PTPRF: variants seen among roughly 807,000 people sequenced by gnomAD.
The protein encoded by PTPRF is receptor-type tyrosine-protein phosphatase F.
In PTPRF, 59 loss-of-function variants were observed where a neutral mutation model predicts 201.8. The ratio of observed to expected loss-of-function variants is 0.29; its 90% confidence interval spans 0.24 to 0.36. The LOEUF (loss-of-function observed/expected upper bound fraction) is 0.36. PTPRF is among the 10% of genes least tolerant of loss of function. The pLI is 1.00. For synonymous variants in PTPRF, 1,088 were observed against 1,089.7 expected, an observed-to-expected ratio of 1.00 and a Z score of 0.03; for missense variants, 2,132 against 2,690.5, an observed-to-expected ratio of 0.79 and a Z score of 4.59.
At chr1:43,532,882 C>T (rs1395545886) in intron 1 of PTPRF, among the ~76,000 whole-genome samples, 1 of 152,140 alleles carries the variant, frequency 6.6e-6, no homozygotes, top group Non-Finnish European at 1.5e-5. Flanking sequence ...CCCTCCACCC[C>T]CACACACACT....
At chr1:43,589,870 A>G (rs1333050919) in intron 8 of PTPRF, among the ~76,000 whole-genome samples, 3 of 151,844 alleles carry the variant, frequency 2.0e-5, no homozygotes, top group Non-Finnish European at 2.9e-5. Flanking sequence ...ACCCTATGAA[A>G]AAAAAAAAAA....
intron 3 of PTPRF, among the ~76,000 whole-genome samples, chr1:43,545,986 C>A (rs1260993560): frequency 6.6e-6 from 1 of 152,166 alleles, no homozygotes; most frequent in Admixed American, 6.5e-5. Flanking sequence ...TTTAGCCAAT[C>A]TGCAGGCTGA....
Position 43,533,084 on chromosome 1 carries a change from G to GT in PTPRF, c.-126+2002dup, listed in dbSNP as rs370431686. Among the ~76,000 whole-genome samples, 748 of 152,140 alleles carry GT rather than the reference G, an allele frequency of 4.9e-3. 5 individuals carry two copies. The highest frequency in any genetic ancestry group is 0.017 in the African/African-American group (703 of 41,490). On this transcript the variant is annotated intron_variant, in intron 1 of 33. Coordinates refer to ENST00000359947, the MANE Select transcript of PTPRF (RefSeq NM_002840.5). ...CTCTTATTTGAAATGTCTTTATAGT[G>GT]TTTTTTTTAGTTTCCTTTATAGTTT...
chr1:43,615,066 C>G (rs759422564), intron 23 of PTPRF, among the ~76,000 whole-genome samples: 1 of 152,110 alleles, frequency 6.6e-6, no homozygotes, highest in Non-Finnish European at 1.5e-5. Context: ...TGTGAGTTTG[C>G]GCCCCTTCTG....
At chr1:43,543,518 A>G (rs1436857102) in intron 2 of PTPRF, among the ~76,000 whole-genome samples, 2 of 152,216 alleles carry the variant, frequency 1.3e-5, no homozygotes, top group Admixed American at 1.3e-4. Context: ...ATCCTGGGAC[A>G]GGGGACAACT....
At chr1:43,558,748 G>A (rs183655854) in intron 5 of PTPRF, among the ~76,000 whole-genome samples, 1 of 152,166 alleles carries the variant, frequency 6.6e-6, no homozygotes, top group Admixed American at 6.5e-5. Flanking sequence ...TCACCAGGGA[G>A]GGGGAGCCCT....
At chr1:43,547,228 A>G (rs755876342) in intron 3 of PTPRF, among the ~76,000 whole-genome samples, 2 of 152,164 alleles carry the variant, frequency 1.3e-5, no homozygotes, top group African/African-American at 4.8e-5. Flanking sequence ...TGGTTCACCA[A>G]TTCCCAGTAG....
chr1:43,584,684 T>G (rs1001197544), intron 7 of PTPRF, among the ~76,000 whole-genome samples: 1 of 152,262 alleles, frequency 6.6e-6, no homozygotes, highest in African/African-American at 2.4e-5. Flanking sequence ...AATTGCATCT[T>G]ACATTTTTCC....
At chr1:43,560,703 C>T (rs1307714619) in intron 5 of PTPRF, among the ~76,000 whole-genome samples, 1 of 152,176 alleles carries the variant, frequency 6.6e-6, no homozygotes, top group Non-Finnish European at 1.5e-5. Flanking sequence ...AATGGTCTGG[C>T]TGAGCTGTTC....
intron 26 of PTPRF, 132 bp from the exon 27 acceptor site, chr1:43,618,916 T>G: frequency 1.4e-6 from 2 of 1,445,860 alleles, no homozygotes; most frequent in Non-Finnish European, 1.9e-6. Context: ...TGCTAGGAGC[T>G]TCAGGCTACT....
chr1:43,576,157 C>T (rs1463316754), intron 6 of PTPRF, among the ~76,000 whole-genome samples: 1 of 152,236 alleles, frequency 6.6e-6, no homozygotes, highest in Non-Finnish European at 1.5e-5. Flanking sequence ...ACTCGCCGGG[C>T]CCCGCCTAGG....
rs1644710450 is a variant in PTPRF at position 43,546,874 on chromosome 1, C to T, written c.91+1708C>T. On this transcript the variant is annotated intron_variant, in intron 3 of 33. Transcript: ENST00000359947. The surrounding 1 kb of genome is among the most constrained non-coding windows in gnomAD (Gnocchi z 4.2). ...TCTAATCCATCACCAAGCTCCGTTG[C>T]TTCTACCTTCTGAATATCTTTGGAA... Among the ~76,000 whole-genome samples, 1 of 152,234 alleles carries T rather than the reference C, an allele frequency of 6.6e-6. No individual in the cohort carries two copies. The highest frequency in any genetic ancestry group is 2.1e-4 in the South Asian group (1 of 4,832).
At chr1:43,583,778 C>T (rs573473999) in intron 7 of PTPRF, among the ~76,000 whole-genome samples, 2 of 152,278 alleles carry the variant, frequency 1.3e-5, no homozygotes, top group South Asian at 2.1e-4. Flanking sequence ...GTTGTCTTTT[C>T]CTTCTCCAGC....
chr1:43,598,932 G>C lies in PTPRF; in HGVS notation c.2313+19G>C. The C allele has an allele frequency of 6.2e-7, 1 of 1,609,020 alleles. No individual in the cohort carries two copies. The highest frequency in any genetic ancestry group is 8.5e-7 in the Non-Finnish European group (1 of 1,177,698). On this transcript the variant is annotated intron_variant, in intron 13 of 33. Transcript: ENST00000359947. ...GGCCCAGGTGCAGCATTGGGTGGTG[G>C]TGGGGTGGCAGGGTGAGCACAGACC...
At chr1:43,617,697 C>A (rs768346231) in intron 24 of PTPRF, 39 bp from the exon 25 acceptor site, 2 of 1,602,838 alleles carry the variant, frequency 1.2e-6, no homozygotes, top group Admixed American at 1.7e-5. Context: ...GGCTGGGGAC[C>A]CTGTAGTAAT....
At chr1:43,552,594 G>T (rs1448451142) in intron 3 of PTPRF, among the ~76,000 whole-genome samples, 1 of 152,192 alleles carries the variant, frequency 6.6e-6, no homozygotes, top group African/African-American at 2.4e-5. Flanking sequence ...CCTTTTTGGA[G>T]CTGTTCATTG....
At chr1:43,577,084 T>G (rs1266745458) in intron 6 of PTPRF, among the ~76,000 whole-genome samples, 1 of 152,100 alleles carries the variant, frequency 6.6e-6, no homozygotes, top group African/African-American at 2.4e-5. Context: ...ACTCTTAGGC[T>G]CTTGTTGCAG....
intron 5 of PTPRF, among the ~76,000 whole-genome samples, chr1:43,559,052 G>T (rs971585477): frequency 2.0e-5 from 3 of 152,236 alleles, no homozygotes; most frequent in Non-Finnish European, 2.9e-5. Flanking sequence ...TAGCTCCAAG[G>T]GTTCTGAGTA....
intron 20 of PTPRF, 40 bp from the exon 21 acceptor site, chr1:43,606,774 A>G: frequency 2.5e-6 from 4 of 1,601,452 alleles, no homozygotes; most frequent in Non-Finnish European, 2.6e-6. Context: ...GGGGGTTCTC[A>G]CGCTGAGCTC....
Sources: gnomAD v4.1 joint callset for allele counts (sites outside exome capture counted in the v4.1 genomes callset) on GRCh38, gnomAD v4.1.1 for gene constraint, Gnocchi (gnomAD v3.1) non-coding constraint, MANE v1.5 for transcripts, NCBI Gene and HGNC (gene_info 2026-07-23, HGNC 2026-07-21) for gene names.